The following ROCK2 variants were observed in gnomAD, a reference collection of about 807,000 sequenced individuals.
The protein encoded by ROCK2 is Rho associated coiled-coil containing protein kinase 2, also known as rho-associated protein kinase 2.
A neutral mutation model predicts 195.1 loss-of-function variants in ROCK2; 61 were observed. That is an observed-to-expected ratio of 0.31 (90% CI 0.25 to 0.39). The LOEUF is 0.39. Among genes scored for constraint, ROCK2 ranks in the 10% least tolerant of loss-of-function variants. The probability of loss-of-function intolerance (pLI) is 1.00; values close to 1 mark genes in which losing one functional copy is unlikely to be tolerated. For synonymous variants in ROCK2, 504 were observed against 545.5 expected, an observed-to-expected ratio of 0.92 and a Z score of 1.06; for missense variants, 1,109 against 1,637.4, an observed-to-expected ratio of 0.68 and a Z score of 5.57.
intron 3 of ROCK2, among the ~76,000 whole-genome samples, chr2:11,264,499 G>A (rs748496059): frequency 2.4e-4 from 37 of 152,272 alleles, no homozygotes; most frequent in Non-Finnish European, 3.2e-4. Context: ...GATTTGTGGA[G>A]GAAGAACAAA....
chr2:11,235,550 A>G lies in ROCK2; in HGVS notation c.723+152T>C. 1 of 705,256 alleles carries G rather than the reference A, an allele frequency of 1.4e-6. No individual in the cohort carries two copies. Among genetic ancestry groups the G allele is most frequent in the South Asian group, 2.1e-5 (1 of 46,872 alleles). The allele number at this position is 705,256 out of a possible 1,614,324, so 43.7% of individuals were successfully genotyped here. On this transcript the variant is annotated intron_variant, in intron 5 of 32. Transcript: ENST00000315872. This position sits in a 1 kb window ranked among gnomAD's most constrained non-coding sequence, Gnocchi z 4.2. ...AAGAAATGTTTTAAGTTGGTTAAGG[A>G]AATGTTTTAAGTTGGTTATATCTTG...
In ROCK2 at chr2:11,290,867, T is replaced by C. The variant is rs1415318767; in HGVS notation, c.142-3131A>G. Among the ~76,000 whole-genome samples the C allele has an allele frequency of 2.6e-5, 4 of 152,250 alleles. No homozygotes were observed. The East Asian group carries it at 7.7e-4, about 29-fold the overall frequency. ...ACAACATCTTATTGCCCAAGTTTCA[T>C]ATGAATCTGCATCACTAGATAGGTC... On this transcript the variant is annotated intron_variant, in intron 1 of 32. Transcript: ENST00000315872.
intron 1 of ROCK2, among the ~76,000 whole-genome samples, chr2:11,289,554 C>T (rs1667298557): frequency 6.6e-6 from 1 of 152,098 alleles, no homozygotes; most frequent in Non-Finnish European, 1.5e-5. Flanking sequence ...TATAAATTGA[C>T]AAGGAAAAGG....
rs776098469 is a variant in ROCK2, at chr2:11,194,249, C to T, written c.3608+7G>A. On this transcript the variant is annotated splice_region_variant and intron_variant, in intron 29 of 32. Coordinates refer to ENST00000315872, the MANE Select transcript of ROCK2 (RefSeq NM_004850.5). ...TAGTTTCTAAATATTCTAACAAAAA[C>T]ACTTACTCTATATCTAAAACCATGT... The T allele has an allele frequency of 8.0e-7, 1 of 1,250,362 alleles. No individual in the cohort carries two copies. The highest frequency in any genetic ancestry group is 1.1e-6 in the Non-Finnish European group (1 of 904,560). The allele number at this position is 1,250,362 out of a possible 1,614,324, so 77.5% of individuals were successfully genotyped here.
chr2:11,271,246 TGAG>T (rs1357226837), intron 3 of ROCK2, among the ~76,000 whole-genome samples: 2 of 152,204 alleles, frequency 1.3e-5, no homozygotes, highest in Non-Finnish European at 2.9e-5. Flanking sequence ...CTTGGAAGCA[TGAG>T]GAGATTTTTC....
intron 1 of ROCK2, among the ~76,000 whole-genome samples, chr2:11,342,748 C>A (rs1669145774): frequency 6.6e-6 from 1 of 152,172 alleles, no homozygotes; most frequent in African/African-American, 2.4e-5. Context: ...ACACATTAAC[C>A]CGAAAAACAG....
At chr2:11,306,112 T>G (rs1320019455) in intron 1 of ROCK2, among the ~76,000 whole-genome samples, 1 of 152,248 alleles carries the variant, frequency 6.6e-6, no homozygotes, top group Non-Finnish European at 1.5e-5. Flanking sequence ...CTGGGTCAGA[T>G]TCTTTTGCTA....
chr2:11,200,466 C>A (rs575435851), intron 23 of ROCK2, among the ~76,000 whole-genome samples: 1 of 152,260 alleles, frequency 6.6e-6, no homozygotes, highest in South Asian at 2.1e-4. Flanking sequence ...ATCATATATA[C>A]CAAGTTCCTG....
At chr2:11,283,806 G>A (rs563402142) in intron 3 of ROCK2, among the ~76,000 whole-genome samples, 40 of 152,266 alleles carry the variant, frequency 2.6e-4, no homozygotes, top group Middle Eastern at 6.8e-3. Context: ...ATTCATTGCT[G>A]GTAGGAATGC....
At position 11,197,055 on chromosome 2, in the gene ROCK2, A is replaced by C; in HGVS notation, c.3448+125T>G. ...GAAATGTTACTTGAATCCTTACTCC[A>C]AGGAGTAGGTTTTCCCTTAAAGAAA... On this transcript the variant is annotated intron_variant, in intron 27 of 32. Coordinates refer to ENST00000315872, the MANE Select transcript of ROCK2 (RefSeq NM_004850.5). This position sits in a 1 kb window ranked among gnomAD's most constrained non-coding sequence, Gnocchi z 4.9. 1 of 520,430 alleles carries C rather than the reference A, an allele frequency of 1.9e-6. No individual in the cohort carries two copies. The highest frequency in any genetic ancestry group is 3.2e-6 in the Non-Finnish European group (1 of 311,004). The allele number at this position is 520,430 out of a possible 1,614,324, so 32.2% of individuals were successfully genotyped here. A position where few individuals can be genotyped will look rare whatever the true frequency, so the allele number is the denominator to read the frequency against.
At chr2:11,325,163 A>AT (rs966944678) in intron 1 of ROCK2, among the ~76,000 whole-genome samples, 18 of 152,240 alleles carry the variant, frequency 1.2e-4, no homozygotes, top group East Asian at 1.9e-4. Flanking sequence ...TTATAAGTAG[A>AT]TTTTTTTTCC....
chr2:11,212,260 C>T lies in ROCK2; in HGVS notation c.2044-420G>A, dbSNP rs555531273. Among the ~76,000 whole-genome samples the T allele has an allele frequency of 3.6e-4, 55 of 152,082 alleles. No individual in the cohort carries two copies. In the South Asian group the frequency reaches 0.011, roughly 31 times the overall value. On this transcript the variant is annotated intron_variant, in intron 17 of 32. Transcript: ENST00000315872. ...GGCTTAACTAGAATGTTCAGTATTT[C>T]CCCTCCCGTCTTCACTCAAACCTTT... is the stretch of plus-strand genomic sequence containing the variant.
At chr2:11,296,037 A>AGAGAGAGAGAGAGAGAGAGAGAGAGAGG (rs1667524916) in intron 1 of ROCK2, among the ~76,000 whole-genome samples, 1 of 149,064 alleles carries the variant, frequency 6.7e-6, no homozygotes, top group Non-Finnish European at 1.5e-5. Flanking sequence ...AGAGAGAGAG[A>AGAGAGAGAGAGAGAGAGAGAGAGAGAGG]GAGAGAGAGA....
intron 14 of ROCK2, 30 bp downstream of exon 14, chr2:11,215,479 TG>T: frequency 6.2e-7 from 1 of 1,608,126 alleles, no homozygotes; most frequent in Non-Finnish European, 8.5e-7. Flanking sequence ...ATTTTTTTCT[TG>T]ATGAGTAATT....
intron 1 of ROCK2, among the ~76,000 whole-genome samples, chr2:11,322,394 T>TTA (rs931890083): frequency 5.3e-5 from 8 of 150,868 alleles, no homozygotes; most frequent in Admixed American, 2.6e-4. Context: ...CATATATATT[T>TTA]TATATATATA....
At chr2:11,333,367 T>A (rs1231903371) in intron 1 of ROCK2, among the ~76,000 whole-genome samples, 1 of 152,174 alleles carries the variant, frequency 6.6e-6, no homozygotes, top group Non-Finnish European at 1.5e-5. Flanking sequence ...ATGAAAGGCT[T>A]ATTACAAGTA....
chr2:11,216,258 A>C, intron 12 of ROCK2, 52 bp from the exon 13 acceptor site: 1 of 1,262,594 alleles, frequency 7.9e-7, no homozygotes, highest in Non-Finnish European at 1.1e-6. Flanking sequence ...ACAATAAAAC[A>C]TAGTCTATAA....
intron 5 of ROCK2, among the ~76,000 whole-genome samples, chr2:11,234,873 G>C (rs1056616658): frequency 4.6e-5 from 7 of 152,208 alleles, no homozygotes; most frequent in African/African-American, 1.4e-4. Context: ...TTAAGAGGTA[G>C]AGAGAAAATT....
intron 21 of ROCK2, 40 bp downstream of exon 21, chr2:11,202,012 C>T (rs748784367): frequency 6.7e-7 from 1 of 1,486,720 alleles, no homozygotes; most frequent in Admixed American, 1.7e-5. Context: ...CCAACCAAAA[C>T]TCTGTTTGCT....
Sources: allele counts gnomAD v4.1 joint callset (sites outside exome capture counted in the v4.1 genomes callset), GRCh38; gene constraint gnomAD v4.1.1; non-coding constraint Gnocchi (gnomAD v3.1); transcripts MANE v1.5; gene names NCBI Gene and HGNC (gene_info 2026-07-23, HGNC 2026-07-21).